Variants in ZC3H12A observed in about 807,000 individuals in gnomAD.
ZC3H12A encodes the protein zinc finger CCCH-type containing 12A.
In ZC3H12A, 9 loss-of-function variants were observed where a neutral mutation model predicts 29.9. The observed-to-expected ratio is 0.30, with a 90% CI of 0.18 to 0.53. The LOEUF (loss-of-function observed/expected upper bound fraction) is 0.53, where lower values mean the gene tolerates loss of function less well. ZC3H12A is among the 20% of genes least tolerant of loss of function. ZC3H12A has a pLI of 0.96. For missense variants in ZC3H12A, 617 were observed against 799.0 expected, an observed-to-expected ratio of 0.77 and a Z score of 2.75; for synonymous variants, 323 against 338.1, an observed-to-expected ratio of 0.96 and a Z score of 0.49.
chr1:37,476,774 T>C lies in ZC3H12A; in HGVS notation c.443+835T>C, dbSNP rs979794870. Among the ~76,000 whole-genome samples the C allele has an allele frequency of 6.6e-6, 1 of 152,202 alleles. No individual in the cohort carries two copies. The highest frequency in any genetic ancestry group is 1.5e-5 in the Non-Finnish European group (1 of 68,028). On this transcript the variant is annotated intron_variant, in intron 2 of 5. Coordinates refer to ENST00000373087, the MANE Select transcript of ZC3H12A (RefSeq NM_025079.3). The surrounding 1 kb of genome is among the most constrained non-coding windows in gnomAD (Gnocchi z 6.0). ...TCCAGGCTCCACCCTCTGGCCCCAC[T>C]TTTTTCCCAGTTCCCTCCAAGGCAG...
chr1:37,480,032 G>A (rs548624184), intron 2 of ZC3H12A: 503 of 1,212,410 alleles, frequency 4.1e-4, no homozygotes, highest in African/African-American at 1.4e-3. Flanking sequence ...AAGTCCCAGC[G>A]GGGCCTGGCC....
chr1:37,480,264 G>A, intron 2 of ZC3H12A, 26 bp from the exon 3 acceptor site: 1 of 1,605,212 alleles, frequency 6.2e-7, no homozygotes, highest in South Asian at 1.1e-5. Flanking sequence ...CATCAGTGTG[G>A]GCTAACCCTG....
chr1:37,482,364 G>A (rs756316889), intron 4 of ZC3H12A, 70 bp from the exon 5 acceptor site: 11 of 1,350,422 alleles, frequency 8.1e-6, no homozygotes, highest in South Asian at 5.1e-5. Context: ...GCTTGCCATC[G>A]GCCCCTTCTC....
chr1:37,475,385 C>T lies in ZC3H12A; in HGVS notation c.-38-74C>T. On this transcript the variant is annotated intron_variant, in intron 1 of 5. Transcript: ENST00000373087. This position sits in a 1 kb window ranked among gnomAD's most constrained non-coding sequence, Gnocchi z 5.2. ...TGTGTAGTGCCACCAATCCCTCATCCTGCTGGATGTGGTTTTGGGAGGGAG... is the reference window on the plus strand; with the variant it reads ...TGTGTAGTGCCACCAATCCCTCATCTTGCTGGATGTGGTTTTGGGAGGGAG... The T allele has an allele frequency of 2.5e-6, 3 of 1,198,960 alleles. No homozygotes were observed. Among genetic ancestry groups the T allele is most frequent in the Non-Finnish European group, 2.3e-6 (2 of 858,068 alleles). The allele number at this position is 1,198,960 out of a possible 1,614,324, so 74.3% of individuals were successfully genotyped here.
chr1:37,480,697 G>A (rs527866437), intron 3 of ZC3H12A, among the ~76,000 whole-genome samples: 1 of 152,306 alleles, frequency 6.6e-6, no homozygotes, highest in East Asian at 1.9e-4. Flanking sequence ...TGGCAGAAGC[G>A]CAGTATCACA....
At chr1:37,482,326 G>A in intron 4 of ZC3H12A, 108 bp from the exon 5 acceptor site, 1 of 956,976 alleles carries the variant, frequency 1.0e-6, no homozygotes, top group East Asian at 2.4e-5. Context: ...CCAGTTTTAG[G>A]TGTCACTCTC....
At chr1:37,481,538 G>A (rs1461154272) in intron 3 of ZC3H12A, 63 bp from the exon 4 acceptor site, 7 of 1,544,972 alleles carry the variant, frequency 4.5e-6, no homozygotes, top group Non-Finnish European at 6.2e-6. Context: ...AGGTTAGGGA[G>A]CCCTGTAGGC....
Position 37,475,833 on chromosome 1 carries a change from G to T in ZC3H12A, c.337G>T (p.Gly113Cys). 2 of 1,602,690 alleles carry T rather than the reference G, an allele frequency of 1.2e-6. No individual in the cohort carries two copies. The highest frequency in any genetic ancestry group is 3.4e-5 in the Admixed American group (2 of 59,378). The change falls in exon 2 of 6, where the codon GGT becomes TGT. Residue 113 changes from glycine to cysteine, a missense_variant. By Grantham distance (159) the Gly-to-Cys change is radical (BLOSUM62 -3). Transcript: ENST00000373087. This position sits in a 1 kb window ranked among gnomAD's most constrained non-coding sequence, Gnocchi z 5.2. ...TCAGCTCCCTCTAGTCCCGCGGGGT[G>T]GTGGCACCCCTAAGGCTCCCAACCT... ...CPQLPLVPRG[G>C]GTPKAPNLEP...
In ZC3H12A at chr1:37,483,175, G is replaced by A; in HGVS notation, c.1364G>A (p.Gly455Glu). 6.2e-7 allele frequency: 1 copy of A among 1,613,478 alleles called. No individual in the cohort carries two copies. The highest frequency in any genetic ancestry group is 8.5e-7 in the Non-Finnish European group (1 of 1,179,920). Reference sequence around the variant, plus strand: ...ATGTCGGAACTTTGGGGGGTTCGAGGAGGAGGCCCTGGTGAGCCGGGCCCA... The same window carrying A: ...ATGTCGGAACTTTGGGGGGTTCGAGAAGGAGGCCCTGGTGAGCCGGGCCCA... ...SQMSELWGVRGGGPGEPGPPR... is the reference protein window; with the variant it reads ...SQMSELWGVREGGPGEPGPPR... The change falls in exon 6 of 6, where the codon GGA becomes GAA. Residue 455 changes from glycine to glutamate, a missense_variant. Gly to Glu is a moderately conservative substitution (Grantham distance 98). Transcript: ENST00000373087.
intron 3 of ZC3H12A, 65 bp downstream of exon 3, chr1:37,480,494 A>T: frequency 1.3e-6 from 2 of 1,559,526 alleles, no homozygotes; most frequent in Non-Finnish European, 1.7e-6. Context: ...TCCCCAAGAG[A>T]GACCCTCTGG....
In ZC3H12A at chr1:37,483,255, G is replaced by C. The variant is rs773544941; in HGVS notation, c.1444G>C (p.Ala482Pro). 2 of 1,613,852 alleles carry C rather than the reference G, an allele frequency of 1.2e-6. No homozygotes were observed. Among genetic ancestry groups the C allele is most frequent in the Non-Finnish European group, 1.7e-6 (2 of 1,180,002 alleles). Residue 482 changes from alanine to proline, a missense_variant, in exon 6 of 6, where the codon GCA becomes CCA. Around this residue, in one of 5 missense-constraint regions of ZC3H12A, gnomAD observed 172 missense variants for 203.1 expected, o/e 0.85. Coordinates refer to ENST00000373087, the MANE Select transcript of ZC3H12A (RefSeq NM_025079.3). Reference sequence around the variant, plus strand: ...CTATGGATCTGAGCTCCCAGCCACCGCAGCCTTCTCTGCCTTTGGCCGGGC... The same window carrying C: ...CTATGGATCTGAGCTCCCAGCCACCCCAGCCTTCTCTGCCTTTGGCCGGGC... ...SPYGSELPAT[A>P]AFSAFGRAMG...
intron 2 of ZC3H12A, among the ~76,000 whole-genome samples, chr1:37,477,546 A>G (rs148214089): frequency 7.1e-4 from 107 of 151,684 alleles, no homozygotes; most frequent in African/African-American, 2.5e-3. Context: ...GGGGAAATTC[A>G]CCTCTGTTTC....
In ZC3H12A at chr1:37,483,875, G is replaced by A. The variant is rs904658911; in HGVS notation, c.*264G>A. On this transcript the variant is annotated 3_prime_UTR_variant, in exon 6 of 6. Transcript: ENST00000373087. ...TTGTATCTCTGTAGTTTAAGGAGAC[G>A]CTGCCGGTAACGGCGTCGGTCCGTG... The A allele has an allele frequency of 2.7e-4, 123 of 455,100 alleles. No homozygotes were observed. The highest frequency in any genetic ancestry group is 2.1e-3 in the African/African-American group (109 of 51,570). The allele number at this position is 455,100 out of a possible 1,614,324, so 28.2% of individuals were successfully genotyped here.
At chr1:37,481,942 C>A (rs1399093781) in intron 4 of ZC3H12A, 107 bp downstream of exon 4, 8 of 1,167,860 alleles carry the variant, frequency 6.9e-6, no homozygotes, top group East Asian at 5.2e-5. Flanking sequence ...GGCCCTGTGG[C>A]CATGGGAGGT....
chr1:37,482,278 C>A, intron 4 of ZC3H12A, 156 bp from the exon 5 acceptor site: 1 of 644,016 alleles, frequency 1.6e-6, no homozygotes, highest in Non-Finnish European at 2.7e-6. Flanking sequence ...TGGTATGATC[C>A]CACCCATAGA....
rs2148039963 is a variant in ZC3H12A at position 37,475,745 on chromosome 1, T to C, written c.249T>C (p.Gly83=). The change falls in exon 2 of 6, where the codon GGT becomes GGC. Residue 83 remains glycine (G), a synonymous_variant. Coordinates refer to ENST00000373087, the MANE Select transcript of ZC3H12A (RefSeq NM_025079.3). This position sits in a 1 kb window ranked among gnomAD's most constrained non-coding sequence, Gnocchi z 5.2. ...AGGCAGACACCAACACGGTGCTGGG[T>C]GAGCTGGTGAAACACGGGACAGCCA... ...GVQADTNTVL[G]ELVKHGTATE... 2 of 1,613,672 alleles carry C rather than the reference T, an allele frequency of 1.2e-6. No homozygotes were observed. Among genetic ancestry groups the C allele is most frequent in the Non-Finnish European group, 8.5e-7 (1 of 1,179,986 alleles).
In ZC3H12A at chr1:37,482,499, A is replaced by G; in HGVS notation, c.884A>G (p.Lys295Arg). 6.2e-7 allele frequency: 1 copy of G among 1,614,118 alleles called. No individual in the cohort carries two copies. The highest frequency in any genetic ancestry group is 2.2e-5 in the East Asian group (1 of 44,874). The change falls in exon 5 of 6, where the codon AAG becomes AGG. Residue 295 changes from lysine (K) to arginine (R), a missense_variant. By Grantham distance (26) the Lys-to-Arg change is conservative. This residue lies in a region of ZC3H12A where 255 missense variants were observed against 402.5 expected (regional missense o/e 0.63). Coordinates refer to ENST00000373087, the MANE Select transcript of ZC3H12A (RefSeq NM_025079.3). The part of the protein sequence containing the change: ...GPSLDNFLRK[K>R]PLTLEHRKQP... ...AGCCTGGACAACTTCCTGCGTAAGA[A>G]GCCACTCACTTTGGAGCACAGGAAG...
In ZC3H12A at chr1:37,479,508, TC is replaced by T; in HGVS notation, c.444-778del. On this transcript the variant is annotated intron_variant, in intron 2 of 5. Transcript: ENST00000373087. This position sits in a 1 kb window ranked among gnomAD's most constrained non-coding sequence, Gnocchi z 4.5. ...CTTACTCAGCTGTCCTTGCTAAGAG[TC>T]CCCTAGCATCTTCCTGATGGTCTTT... The T allele has an allele frequency of 3.0e-6, 3 of 985,212 alleles. No homozygotes were observed. Among genetic ancestry groups the T allele is most frequent in the Non-Finnish European group, 3.6e-6 (3 of 829,876 alleles). 61.0% of individuals were successfully genotyped at this position (985,212 alleles called of 1,614,324 possible).
At chr1:37,481,142 T>C (rs1363450141) in intron 3 of ZC3H12A, among the ~76,000 whole-genome samples, 1 of 152,192 alleles carries the variant, frequency 6.6e-6, no homozygotes, top group Non-Finnish European at 1.5e-5. Context: ...AGGTGGGGCA[T>C]GGTGAGTGGC....
Sources: gnomAD v4.1 joint callset for allele counts (sites outside exome capture counted in the v4.1 genomes callset) on GRCh38, gnomAD v4.1.1 for gene constraint, gnomAD v4.1.1 regional missense constraint, Gnocchi (gnomAD v3.1) non-coding constraint, MANE v1.5 for transcripts, NCBI Gene and HGNC (gene_info 2026-07-23, HGNC 2026-07-21) for gene names.